The following SGCD variants were observed in gnomAD, a reference collection of about 807,000 sequenced individuals.
The protein encoded by SGCD is delta-sarcoglycan.
Under a neutral mutation model 36.6 loss-of-function variants are expected in SGCD, and 18 were observed. The observed-to-expected ratio is 0.49, with a 90% CI of 0.34 to 0.73. The LOEUF is 0.73. Among genes scored for constraint, SGCD ranks in the 30% least tolerant of loss-of-function variants. The pLI is 0.01. For missense variants in SGCD, 387 were observed against 346.7 expected (o/e 1.12, Z -0.92); for synonymous variants, 133 against 130.6 (o/e 1.02, Z -0.12).
chr5:155,779,809 G>C, the SGCD span, among the ~76,000 whole-genome samples: 3 of 151,950 alleles, frequency 2.0e-5, no homozygotes, highest in African/African-American at 7.3e-5. Context: ...GCCAACACTT[G>C]GTATGATGTG....
intron 3 of SGCD, among the ~76,000 whole-genome samples, chr5:156,225,540 C>T (rs917950640): frequency 4.6e-5 from 7 of 152,022 alleles, no homozygotes; most frequent in South Asian, 2.1e-4. Flanking sequence ...TCTGTGCCTC[C>T]GACAATTTTG....
chr5:155,858,178 G>A, the SGCD span, among the ~76,000 whole-genome samples: 1 of 152,054 alleles, frequency 6.6e-6, no homozygotes, highest in South Asian at 2.1e-4. Context: ...AGTTTGTGTT[G>A]CTACCTTTTC....
intron 3 of SGCD, among the ~76,000 whole-genome samples, chr5:156,241,746 C>T (rs374905834): frequency 5.3e-5 from 8 of 152,160 alleles, no homozygotes; most frequent in African/African-American, 1.4e-4. Flanking sequence ...ATTCATGGAG[C>T]GACTACTTGA....
chr5:156,078,967 C>A lies in SGCD; in HGVS notation c.-281-38911C>A, dbSNP rs1406239725. ...ACAGTTCTTCATGTTGCCTTTTGTG[C>A]TAGGCTGTTATTGCATTGGTATAAA... On this transcript the variant is annotated intron_variant, in intron 1 of 9. Transcript: ENST00000517913. 3.4e-5 allele frequency among the ~76,000 whole-genome samples: 5 copies of A among 147,038 alleles called. No homozygotes were observed. The Admixed American group carries it at 3.4e-4, about 10-fold the overall frequency.
chr5:156,507,865 A>G (rs1756769146), intron 3 of SGCD, among the ~76,000 whole-genome samples: 1 of 152,226 alleles, frequency 6.6e-6, no homozygotes, highest in African/African-American at 2.4e-5. Context: ...AGCAAATTAT[A>G]GAGAGAAAAA....
At chr5:155,769,327 G>A in the SGCD span, among the ~76,000 whole-genome samples, 5 of 149,580 alleles carry the variant, frequency 3.3e-5, no homozygotes, top group East Asian at 4.0e-4. Context: ...TTATTTAAGC[G>A]TACACCTGTA....
chr5:156,035,850 T>C (rs1315732780), intron 1 of SGCD, among the ~76,000 whole-genome samples: 1 of 152,188 alleles, frequency 6.6e-6, no homozygotes, highest in African/African-American at 2.4e-5. Context: ...AAGCGTAGCA[T>C]TTTGGTGAGC....
chr5:156,586,063 GTTT>G (rs33956506), intron 4 of SGCD, among the ~76,000 whole-genome samples: 10 of 144,034 alleles, frequency 6.9e-5, no homozygotes, highest in African/African-American at 2.5e-4. Context: ...TTACTTTGGT[GTTT>G]TTTTTTTTTA....
chr5:156,710,989 A>ATACT (rs1416084824), intron 7 of SGCD, among the ~76,000 whole-genome samples: 3 of 152,216 alleles, frequency 2.0e-5, no homozygotes, highest in African/African-American at 7.2e-5. Context: ...TTGTCATGTG[A>ATACT]TACTATACTA....
chr5:156,400,048 G>C (rs190267108), intron 3 of SGCD, among the ~76,000 whole-genome samples: 5 of 152,228 alleles, frequency 3.3e-5, no homozygotes, highest in Admixed American at 3.3e-4. Context: ...GGTAAGTAAG[G>C]CTGCTTTAAA....
chr5:156,581,617 C>A (rs6886729), intron 4 of SGCD, among the ~76,000 whole-genome samples: 3,076 of 152,286 alleles, frequency 0.02, 75 homozygotes, highest in African/African-American at 0.048. Context: ...CCTACTCAAG[C>A]CTCAGCAATG....
At chr5:156,517,037 G>A (rs752897538) in intron 4 of SGCD, among the ~76,000 whole-genome samples, 7 of 152,062 alleles carry the variant, frequency 4.6e-5, no homozygotes, top group Non-Finnish European at 7.4e-5. Flanking sequence ...GGTAATAACG[G>A]ACTTCTTTGA....
At chr5:156,319,628 G>T (rs999351093) in intron 3 of SGCD, among the ~76,000 whole-genome samples, 2 of 152,178 alleles carry the variant, frequency 1.3e-5, no homozygotes, top group Non-Finnish European at 2.9e-5. Flanking sequence ...GAGTGAAGAG[G>T]TGATACAGTG....
intron 1 of SGCD, among the ~76,000 whole-genome samples, chr5:155,890,584 G>C (rs1471823125): frequency 1.3e-5 from 2 of 151,872 alleles, no homozygotes; most frequent in African/African-American, 4.8e-5. Context: ...CTTCAGCCTG[G>C]GTGACAGTGA....
intron 3 of SGCD, among the ~76,000 whole-genome samples, chr5:156,209,322 T>A (rs561395485): frequency 6.2e-4 from 95 of 152,146 alleles, no homozygotes; most frequent in Non-Finnish European, 1.2e-3. Context: ...AACACCAAGC[T>A]GGCTTCCATA....
intron 7 of SGCD, among the ~76,000 whole-genome samples, chr5:156,692,633 A>G (rs773597033): frequency 1.4e-4 from 22 of 152,316 alleles, no homozygotes; most frequent in Non-Finnish European, 2.2e-4. Flanking sequence ...AATCACAGAC[A>G]TCATAGCATT....
At chr5:156,114,858 G>A (rs1027908506) in intron 1 of SGCD, among the ~76,000 whole-genome samples, 6 of 151,684 alleles carry the variant, frequency 4.0e-5, no homozygotes, top group East Asian at 1.9e-4. Flanking sequence ...TATTTTTTGC[G>A]TTGCGTGACA....
At chr5:155,987,462 C>G (rs184218239) in intron 1 of SGCD, among the ~76,000 whole-genome samples, 3 of 152,220 alleles carry the variant, frequency 2.0e-5, no homozygotes, top group African/African-American at 7.2e-5. Flanking sequence ...TTGTTACTCA[C>G]AGTTTCTACG....
intron 6 of SGCD, among the ~76,000 whole-genome samples, chr5:156,599,045 A>G (rs1206896238): frequency 6.6e-6 from 1 of 152,232 alleles, no homozygotes; most frequent in Non-Finnish European, 1.5e-5. Context: ...GTCAATGCTA[A>G]AAAGACTTGG....
Sources: gnomAD v4.1 joint callset for allele counts (sites outside exome capture counted in the v4.1 genomes callset) on GRCh38, gnomAD v4.1.1 for gene constraint, MANE v1.5 for transcripts, NCBI Gene and HGNC (gene_info 2026-07-23, HGNC 2026-07-21) for gene names.